The following NUP93 variants were observed in gnomAD, a reference collection of about 807,000 sequenced individuals.
NUP93 encodes the protein nuclear pore complex protein Nup93.
A neutral mutation model predicts 107.8 loss-of-function variants in NUP93; 55 were observed. The observed-to-expected ratio is 0.51, with a 90% CI of 0.41 to 0.64. The LOEUF is 0.64. Among genes scored for constraint, NUP93 ranks in the 30% least tolerant of loss-of-function variants. The pLI is 0.00. For missense variants in NUP93, 937 were observed against 1,044.7 expected, an observed-to-expected ratio of 0.90 and a Z score of 1.42; for synonymous variants, 390 against 397.5, an observed-to-expected ratio of 0.98 and a Z score of 0.22.
chr16:56,795,540 A>G (rs1203580198), intron 3 of NUP93, among the ~76,000 whole-genome samples: 1 of 152,184 alleles, frequency 6.6e-6, no homozygotes. Flanking sequence ...TGACCATGCC[A>G]TTCGCCATCC....
At chr16:56,815,128 T>A (rs925625610) in intron 5 of NUP93, among the ~76,000 whole-genome samples, 10 of 152,238 alleles carry the variant, frequency 6.6e-5, no homozygotes, top group African/African-American at 2.4e-4. Flanking sequence ...ATTTTAAAAA[T>A]TAGGTTTTTA....
intron 21 of NUP93, among the ~76,000 whole-genome samples, chr16:56,842,390 T>C (rs1964042968): frequency 6.6e-6 from 1 of 152,112 alleles, no homozygotes; most frequent in Non-Finnish European, 1.5e-5. Context: ...CTGACACCTG[T>C]GCCCTTTCTG....
intron 5 of NUP93, among the ~76,000 whole-genome samples, chr16:56,811,749 G>A (rs1257641496): frequency 6.6e-6 from 1 of 152,116 alleles, no homozygotes; most frequent in Non-Finnish European, 1.5e-5. Context: ...GTGATTACAG[G>A]TGTGAGCCAC....
intron 3 of NUP93, among the ~76,000 whole-genome samples, chr16:56,784,066 G>A (rs1228766787): frequency 2.0e-5 from 3 of 152,078 alleles, no homozygotes; most frequent in Admixed American, 2.0e-4. Context: ...TAGGTTTTGT[G>A]AGTGATTTTA....
chr16:56,841,666 T>C (rs1236771399), intron 20 of NUP93, 39 bp from the exon 21 acceptor site: 1 of 1,608,842 alleles, frequency 6.2e-7, no homozygotes, highest in Non-Finnish European at 8.5e-7. Context: ...CCCCAAAGGC[T>C]TGGTTCTTTT....
chr16:56,793,923 T>C (rs1261406731), intron 3 of NUP93, among the ~76,000 whole-genome samples: 1 of 151,940 alleles, frequency 6.6e-6, no homozygotes, highest in Admixed American at 6.6e-5. Flanking sequence ...TGTGGTGGCG[T>C]GTGCCTGTAG....
At chr16:56,731,155 C>A (rs1961528179) in intron 1 of NUP93, among the ~76,000 whole-genome samples, 1 of 151,934 alleles carries the variant, frequency 6.6e-6, no homozygotes, top group South Asian at 2.1e-4. Context: ...TAACAGATTC[C>A]GTATTTATAT....
At chr16:56,747,742 G>A (rs1388787472) in intron 1 of NUP93, among the ~76,000 whole-genome samples, 2 of 152,132 alleles carry the variant, frequency 1.3e-5, no homozygotes, top group Admixed American at 6.5e-5. Context: ...ATTGGAATTT[G>A]TTCTTCTTTC....
chr16:56,834,811 T>A (rs1963878351), intron 16 of NUP93, 33 bp downstream of exon 16: 1 of 1,519,978 alleles, frequency 6.6e-7, no homozygotes, highest in African/African-American at 1.4e-5. Context: ...GAAATGTTCG[T>A]TAGCCATTGG....
At chr16:56,758,765 C>A in intron 3 of NUP93, 110 bp downstream of exon 3, 2 of 746,948 alleles carry the variant, frequency 2.7e-6, no homozygotes, top group Non-Finnish European at 4.7e-6. Context: ...TGTTAACTTT[C>A]TTCTTCCTCA....
chr16:56,815,962 C>T (rs571448933), intron 5 of NUP93, among the ~76,000 whole-genome samples: 1 of 151,988 alleles, frequency 6.6e-6, no homozygotes, highest in South Asian at 2.1e-4. Context: ...ACTACTACTA[C>T]TCTCTACTGT....
Position 56,837,710 on chromosome 16 carries a change from C to G in NUP93, c.2002C>G (p.Leu668Val), listed in dbSNP as rs1267328770. The G allele has an allele frequency of 1.2e-6, 2 of 1,613,736 alleles. No individual in the cohort carries two copies. Among genetic ancestry groups the G allele is most frequent in the Admixed American group, 3.3e-5 (2 of 60,028 alleles). Reference sequence around the variant, plus strand: ...CAAGGAGAGGCTGAAGAACATGGCACTCTCCATTGCCGAACGGTAAGCCAG... The same window carrying G: ...CAAGGAGAGGCTGAAGAACATGGCAGTCTCCATTGCCGAACGGTAAGCCAG... ...SNKERLKNMALSIAERYRAQG... is the reference protein window; with the variant it reads ...SNKERLKNMAVSIAERYRAQG... The change falls in exon 18 of 22, where the codon CTC (leucine) becomes GTC (valine). Residue 668 changes from leucine (L) to valine (V), a missense_variant. Physicochemically the swap from Leu to Val is conservative, Grantham distance 32. Transcript: ENST00000308159.
intron 11 of NUP93, 49 bp downstream of exon 11, chr16:56,832,056 C>T (rs1963804211): frequency 6.2e-7 from 1 of 1,600,736 alleles, no homozygotes; most frequent in African/African-American, 1.3e-5. Context: ...CTTTTCTGTG[C>T]TCAAGTCCCC....
At position 56,756,156 on chromosome 16, in the gene NUP93, C is replaced by T. The variant is rs1455078005; in HGVS notation, c.180-2382C>T. Among the ~76,000 whole-genome samples, 7 of 151,728 alleles carry T rather than the reference C, an allele frequency of 4.6e-5. No individual in the cohort carries two copies. The East Asian group carries it at 5.8e-4, about 13-fold the overall frequency. ...TTTTAAAATATTTTACTTTAAGTTC[C>T]GGGATACATGTGCAGAATGTCCGGG... On this transcript the variant is annotated intron_variant, in intron 2 of 21. Coordinates refer to ENST00000308159, the MANE Select transcript of NUP93 (RefSeq NM_014669.5).
intron 3 of NUP93, among the ~76,000 whole-genome samples, chr16:56,768,000 A>G (rs1962245039): frequency 6.6e-6 from 1 of 152,216 alleles, no homozygotes; most frequent in Non-Finnish European, 1.5e-5. Flanking sequence ...ATGAATTACT[A>G]GGAAAAAAAG....
intron 3 of NUP93, among the ~76,000 whole-genome samples, chr16:56,780,565 G>A (rs1184718709): frequency 1.3e-5 from 2 of 152,150 alleles, no homozygotes; most frequent in African/African-American, 2.4e-5. Context: ...CAAAAGTTCT[G>A]ATGTAAGAAA....
chr16:56,770,707 A>G (rs1267448525), intron 3 of NUP93, among the ~76,000 whole-genome samples: 1 of 152,128 alleles, frequency 6.6e-6, no homozygotes, highest in Non-Finnish European at 1.5e-5. Flanking sequence ...ATGACAAGGA[A>G]AATTGATAAT....
intron 8 of NUP93, among the ~76,000 whole-genome samples, chr16:56,827,209 T>C (rs1963686545): frequency 6.6e-6 from 1 of 152,190 alleles, no homozygotes; most frequent in South Asian, 2.1e-4. Context: ...TAGAAAGTTA[T>C]TACATTAACC....
chr16:56,752,772 T>C (rs1961947532), intron 2 of NUP93, among the ~76,000 whole-genome samples: 1 of 152,184 alleles, frequency 6.6e-6, no homozygotes, highest in African/African-American at 2.4e-5. Context: ...GTCACAGTAA[T>C]TAAGACTATG....
Sources: allele counts gnomAD v4.1 joint callset (sites outside exome capture counted in the v4.1 genomes callset), GRCh38; gene constraint gnomAD v4.1.1; transcripts MANE v1.5; gene names NCBI Gene and HGNC (gene_info 2026-07-23, HGNC 2026-07-21).